CNTN4: variants seen among roughly 807,000 people sequenced by gnomAD.
The protein encoded by CNTN4 is contactin-4.
CNTN4 carries 77 observed loss-of-function variants against 122.5 expected under a neutral mutation model. The observed-to-expected ratio is 0.63, with a 90% CI of 0.52 to 0.76. The LOEUF is 0.76. CNTN4 is among the 30% of genes least tolerant of loss of function. The probability of loss-of-function intolerance (pLI) is 0.00; values close to 1 mark genes in which losing one functional copy is unlikely to be tolerated. For missense variants in CNTN4, 1,256 were observed against 1,259.1 expected (o/e 1.00, Z 0.04); for synonymous variants, 512 against 447.0 (o/e 1.15, Z -1.83).
rs144685575 is a variant in CNTN4, at chr3:2,658,148, C to T, written c.56-78067C>T. On this transcript the variant is annotated intron_variant, in intron 4 of 24. Coordinates refer to ENST00000418658, the MANE Select transcript of CNTN4 (RefSeq NM_175607.3). ...TGGCAAAACTCCAGCCAGCCTGTGC[C>T]CTGGGGTGGACCCACAGGAAGTTCG... Among the ~76,000 whole-genome samples the T allele has an allele frequency of 2.0e-5, 3 of 151,354 alleles. No individual in the cohort carries two copies. The East Asian group carries it at 5.8e-4, about 29-fold the overall frequency.
chr3:2,244,119 A>G (rs993230509), intron 2 of CNTN4, among the ~76,000 whole-genome samples: 2 of 152,084 alleles, frequency 1.3e-5, no homozygotes, highest in Non-Finnish European at 2.9e-5. Flanking sequence ...TCCTGTGCAT[A>G]CATACCTATG....
rs571192328 is a variant in CNTN4 at position 2,623,320 on chromosome 3, T to G, written c.55+51762T>G. Among the ~76,000 whole-genome samples the G allele has an allele frequency of 4.6e-5, 7 of 152,178 alleles. No individual in the cohort carries two copies. In the South Asian group the frequency reaches 1.5e-3, roughly 32 times the overall value. ...CCCATTCATGGTCCATATATTTTTG[T>G]CATTTTAACTCCTCATCCTGAAGCA... On this transcript the variant is annotated intron_variant, in intron 4 of 24. Coordinates refer to ENST00000418658, the MANE Select transcript of CNTN4 (RefSeq NM_175607.3).
intron 10 of CNTN4, among the ~76,000 whole-genome samples, chr3:2,887,736 C>G (rs755242026): frequency 1.3e-5 from 2 of 152,158 alleles, no homozygotes; most frequent in Non-Finnish European, 1.5e-5. Flanking sequence ...ACAAATCTCT[C>G]TCACCCCAAA....
chr3:2,456,897 T>TTA (rs2049025783), intron 3 of CNTN4, among the ~76,000 whole-genome samples: 1 of 152,126 alleles, frequency 6.6e-6, no homozygotes, highest in Non-Finnish European at 1.5e-5. Flanking sequence ...TTTTTGGCAT[T>TTA]TACTTTGTGC....
At chr3:2,229,766 C>A (rs912044050) in intron 2 of CNTN4, among the ~76,000 whole-genome samples, 8 of 152,158 alleles carry the variant, frequency 5.3e-5, no homozygotes, top group Non-Finnish European at 1.0e-4. Context: ...CTAAAACCTG[C>A]TGAATAAGTA....
intron 2 of CNTN4, among the ~76,000 whole-genome samples, chr3:2,326,916 C>G (rs1003714100): frequency 4.6e-5 from 7 of 152,220 alleles, no homozygotes; most frequent in South Asian, 4.1e-4. Flanking sequence ...TACTAGTTGA[C>G]TATCCATAAA....
intron 5 of CNTN4, among the ~76,000 whole-genome samples, chr3:2,740,213 A>C (rs1458319687): frequency 6.6e-6 from 1 of 152,174 alleles, no homozygotes; most frequent in East Asian, 1.9e-4. Flanking sequence ...TTTAAAAATT[A>C]GTTGGCCATG....
At chr3:2,970,138 C>G (rs1692753217) in intron 13 of CNTN4, among the ~76,000 whole-genome samples, 1 of 152,156 alleles carries the variant, frequency 6.6e-6, no homozygotes, top group African/African-American at 2.4e-5. Flanking sequence ...GTCGCCCAGG[C>G]TGGAGTGCAG....
chr3:2,958,532 C>T (rs1169949033), intron 13 of CNTN4, among the ~76,000 whole-genome samples: 1 of 152,048 alleles, frequency 6.6e-6, no homozygotes, highest in Non-Finnish European at 1.5e-5. Context: ...TGAATTATCC[C>T]GGTGATTGCT....
intron 2 of CNTN4, among the ~76,000 whole-genome samples, chr3:2,196,708 C>G (rs1361105904): frequency 1.3e-5 from 2 of 152,030 alleles, no homozygotes; most frequent in Non-Finnish European, 2.9e-5. Flanking sequence ...TCACTCCTAT[C>G]TTGTTTATGC....
intron 4 of CNTN4, among the ~76,000 whole-genome samples, chr3:2,674,887 C>T (rs2084757405): frequency 6.6e-6 from 1 of 152,222 alleles, no homozygotes; most frequent in Non-Finnish European, 1.5e-5. Context: ...CCCCACCTGC[C>T]CCTATAGTTC....
chr3:2,928,935 C>T (rs924539684), intron 13 of CNTN4, among the ~76,000 whole-genome samples: 6 of 152,140 alleles, frequency 3.9e-5, no homozygotes, highest in African/African-American at 1.2e-4. Flanking sequence ...TTAACATGTT[C>T]GTTATCTTAA....
intron 3 of CNTN4, among the ~76,000 whole-genome samples, chr3:2,377,991 C>T (rs748565992): frequency 6.6e-6 from 1 of 152,130 alleles, no homozygotes; most frequent in Admixed American, 6.5e-5. Flanking sequence ...GTTGTTGTCA[C>T]CTCATGGTTT....
chr3:2,756,253 C>A (rs1229149023), intron 6 of CNTN4, among the ~76,000 whole-genome samples: 2 of 152,124 alleles, frequency 1.3e-5, no homozygotes, highest in African/African-American at 4.8e-5. Flanking sequence ...ATCCTAACCC[C>A]AGTGTGATCA....
intron 20 of CNTN4, among the ~76,000 whole-genome samples, chr3:3,041,987 A>G (rs561483731): frequency 2.6e-5 from 4 of 152,326 alleles, no homozygotes; most frequent in African/African-American, 9.6e-5. Context: ...CAGTTTAGCC[A>G]TGTCGTAAGC....
intron 12 of CNTN4, among the ~76,000 whole-genome samples, chr3:2,923,223 A>G (rs899592778): frequency 1.4e-4 from 21 of 152,212 alleles, no homozygotes; most frequent in African/African-American, 5.1e-4. Context: ...TATGTGTAGA[A>G]AGATACAGTT....
intron 3 of CNTN4, among the ~76,000 whole-genome samples, chr3:2,366,015 G>T (rs1459384419): frequency 6.6e-6 from 1 of 152,100 alleles, no homozygotes; most frequent in African/African-American, 2.4e-5. Context: ...TATCCTTTGG[G>T]GGTGAGGAAG....
At chr3:2,923,931 G>A (rs1022113763) in intron 12 of CNTN4, among the ~76,000 whole-genome samples, 49 of 152,030 alleles carry the variant, frequency 3.2e-4, no homozygotes, top group African/African-American at 1.1e-3. Context: ...GAAGAAATGC[G>A]TTTATCTCAT....
intron 2 of CNTN4, among the ~76,000 whole-genome samples, chr3:2,134,103 G>T (rs1399472179): frequency 6.6e-6 from 1 of 152,156 alleles, no homozygotes; most frequent in Non-Finnish European, 1.5e-5. Context: ...AGGAGTTGGG[G>T]AATGTACCGA....
Sources: allele counts gnomAD v4.1 joint callset (sites outside exome capture counted in the v4.1 genomes callset), GRCh38; gene constraint gnomAD v4.1.1; transcripts MANE v1.5; gene names NCBI Gene and HGNC (gene_info 2026-07-23, HGNC 2026-07-21).